TRPS1: variants seen among roughly 807,000 people sequenced by gnomAD.
TRPS1 encodes zinc finger transcription factor Trps1.
In TRPS1, 6 loss-of-function variants were observed where a neutral mutation model predicts 101.2. The ratio of observed to expected loss-of-function variants is 0.06; its 90% CI spans 0.03 to 0.12. TRPS1 has a LOEUF of 0.12. Ranked by LOEUF, TRPS1 falls within the 10% of genes least tolerant of loss-of-function variation. TRPS1 has a pLI of 1.00. For missense variants in TRPS1, 1,363 were observed against 1,567.0 expected, an observed-to-expected ratio of 0.87 and a Z score of 2.20; for synonymous variants, 578 against 589.8, an observed-to-expected ratio of 0.98 and a Z score of 0.29.
At chr8:115,649,664 A>C (rs986477717) in intron 1 of TRPS1, among the ~76,000 whole-genome samples, 3 of 152,200 alleles carry the variant, frequency 2.0e-5, no homozygotes, top group Admixed American at 1.3e-4. Context: ...TTTACTTAGT[A>C]ATCAGTGCTT....
At chr8:115,481,960 A>G (rs1383281748) in intron 5 of TRPS1, among the ~76,000 whole-genome samples, 1 of 152,156 alleles carries the variant, frequency 6.6e-6, no homozygotes, top group African/African-American at 2.4e-5. Context: ...GGTACAAATG[A>G]ACAGAATACA....
chr8:115,440,053 A>G (rs748965207), intron 5 of TRPS1, among the ~76,000 whole-genome samples: 7 of 152,250 alleles, frequency 4.6e-5, no homozygotes, highest in Non-Finnish European at 1.0e-4. Flanking sequence ...AGTTTGCTGC[A>G]ATTTAGTTTA....
chr8:115,514,049 G>T (rs1815649880), intron 5 of TRPS1, among the ~76,000 whole-genome samples: 1 of 151,614 alleles, frequency 6.6e-6, no homozygotes, highest in Non-Finnish European at 1.5e-5. Flanking sequence ...TTGCATCATA[G>T]TAGATTAAAT....
At chr8:115,557,902 T>C (rs1018349993) in intron 5 of TRPS1, among the ~76,000 whole-genome samples, 20 of 152,110 alleles carry the variant, frequency 1.3e-4, no homozygotes, top group African/African-American at 4.6e-4. Flanking sequence ...GAGTAATATA[T>C]TCTAGCGAAT....
intron 3 of TRPS1, among the ~76,000 whole-genome samples, chr8:115,613,751 A>C (rs376451561): frequency 6.6e-6 from 1 of 152,240 alleles, no homozygotes; most frequent in African/African-American, 2.4e-5. Context: ...ACATACACAC[A>C]TAAGAACCCT....
At chr8:115,438,644 G>C (rs181062797) in intron 5 of TRPS1, among the ~76,000 whole-genome samples, 1 of 152,012 alleles carries the variant, frequency 6.6e-6, no homozygotes, top group Non-Finnish European at 1.5e-5. Context: ...TCTAGATCTA[G>C]GATTTAAAGA....
chr8:115,604,185 G>C lies in TRPS1; in HGVS notation c.1784C>G (p.Thr595Ser). The change falls in exon 4 of 7, where the codon ACT (threonine) becomes AGT (serine). Residue 595 changes from threonine to serine, a missense_variant. Around this residue, in one of 5 missense-constraint regions of TRPS1, gnomAD observed 1,020 missense variants for 1,073.0 expected, o/e 0.95. Coordinates refer to ENST00000395715, the MANE Select transcript of TRPS1 (RefSeq NM_014112.5). The surrounding 1 kb of genome is among the most constrained non-coding windows in gnomAD (Gnocchi z 4.1). ...CSPEKHLGEI[T>S]YPFACRKSNC... Reference sequence around the variant, plus strand: ...ACTTTTTCTACAAGCAAACGGATAAGTAATTTCTCCAAGGTGCTTTTCTGG... The same window carrying C: ...ACTTTTTCTACAAGCAAACGGATAACTAATTTCTCCAAGGTGCTTTTCTGG... 1 of 1,614,104 alleles carries C rather than the reference G, an allele frequency of 6.2e-7. No homozygotes were observed. Among genetic ancestry groups the C allele is most frequent in the Non-Finnish European group, 8.5e-7 (1 of 1,179,996 alleles).
intron 1 of TRPS1, among the ~76,000 whole-genome samples, chr8:115,630,575 T>C (rs1361443737): frequency 6.6e-6 from 1 of 152,026 alleles, no homozygotes; most frequent in Non-Finnish European, 1.5e-5. Flanking sequence ...GTAGGTTTTT[T>C]TAAGGCCTAT....
chr8:115,494,882 T>C (rs556646456), intron 5 of TRPS1, among the ~76,000 whole-genome samples: 4 of 152,332 alleles, frequency 2.6e-5, no homozygotes, highest in Non-Finnish European at 4.4e-5. Context: ...AGAAAAGCTA[T>C]GAATCATCAT....
Position 115,549,660 on chromosome 8 carries a change from T to TA in TRPS1, c.2700+37340dup, listed in dbSNP as rs763074937. ...CCTTGGTCAAGTAGCTTCTCTACTA[T>TA]AATACTCTATTAAAAAAAAAAAAAA... On this transcript the variant is annotated intron_variant, in intron 5 of 6. Coordinates refer to ENST00000395715, the MANE Select transcript of TRPS1 (RefSeq NM_014112.5). 6.8e-4 allele frequency among the ~76,000 whole-genome samples: 96 copies of TA among 141,306 alleles called. 1 individual carries two copies. Among genetic ancestry groups the TA allele is most frequent in the Non-Finnish European group, 1.2e-3 (79 of 65,906 alleles). 92.7% of individuals were successfully genotyped at this position (141,306 alleles called of 152,430 possible).
chr8:115,608,734 A>T (rs1339913961), intron 3 of TRPS1, among the ~76,000 whole-genome samples: 1 of 151,698 alleles, frequency 6.6e-6, no homozygotes, highest in African/African-American at 2.4e-5. Flanking sequence ...TATGGTAGCC[A>T]CTAGCCACAA....
At chr8:115,473,062 G>C (rs1814512126) in intron 5 of TRPS1, among the ~76,000 whole-genome samples, 1 of 152,152 alleles carries the variant, frequency 6.6e-6, no homozygotes, top group Non-Finnish European at 1.5e-5. Flanking sequence ...CTGTTACCCA[G>C]TTCCAAAGTT....
At chr8:115,589,673 GA>G (rs1281627492) in intron 4 of TRPS1, among the ~76,000 whole-genome samples, 2 of 152,126 alleles carry the variant, frequency 1.3e-5, no homozygotes, top group Non-Finnish European at 2.9e-5. Flanking sequence ...TTAACGTGAA[GA>G]CGATTATCAA....
At chr8:115,490,189 T>A (rs1814986574) in intron 5 of TRPS1, among the ~76,000 whole-genome samples, 1 of 152,118 alleles carries the variant, frequency 6.6e-6, no homozygotes, top group Non-Finnish European at 1.5e-5. Flanking sequence ...CAAGACCAAG[T>A]TTTACAAGGA....
At chr8:115,515,770 TATC>T (rs1303589823) in intron 5 of TRPS1, among the ~76,000 whole-genome samples, 2 of 151,472 alleles carry the variant, frequency 1.3e-5, no homozygotes, top group Non-Finnish European at 3.0e-5. Flanking sequence ...ATCAGTGAAA[TATC>T]ATGTAAAATA....
At chr8:115,629,434 G>A (rs916411441) in intron 1 of TRPS1, among the ~76,000 whole-genome samples, 2 of 151,890 alleles carry the variant, frequency 1.3e-5, no homozygotes, top group Middle Eastern at 3.4e-3. Flanking sequence ...AATCCCAGGT[G>A]TCCAAATTAC....
In TRPS1 at chr8:115,590,300, C is replaced by T. The variant is rs112331119; in HGVS notation, c.2097-2696G>A. 6.2e-3 allele frequency among the ~76,000 whole-genome samples: 942 copies of T among 152,248 alleles called. 6 individuals carry two copies. Among genetic ancestry groups the T allele is most frequent in the Non-Finnish European group, 9.2e-3 (627 of 68,002 alleles). ...CTTAACAAACCATGATTGATTTTCA[C>T]CCCAAGATGGTTATAATGGACTCAC... On this transcript the variant is annotated intron_variant, in intron 4 of 6. Transcript: ENST00000395715.
chr8:115,416,176 A>G (rs1332795230), intron 6 of TRPS1, among the ~76,000 whole-genome samples: 1 of 152,086 alleles, frequency 6.6e-6, no homozygotes, highest in Non-Finnish European at 1.5e-5. Context: ...ACTTTCATTC[A>G]GCTTAAGTAT....
chr8:115,637,368 G>A, intron 1 of TRPS1: 1 of 906,432 alleles, frequency 1.1e-6, no homozygotes. Flanking sequence ...ACTAGATGTG[G>A]TGTGACATGT....
Sources: allele counts gnomAD v4.1 joint callset (sites outside exome capture counted in the v4.1 genomes callset), GRCh38; gene constraint gnomAD v4.1.1; regional missense constraint gnomAD v4.1.1; non-coding constraint Gnocchi (gnomAD v3.1); transcripts MANE v1.5; gene names NCBI Gene and HGNC (gene_info 2026-07-23, HGNC 2026-07-21).